TTC23: variants seen among roughly 807,000 people sequenced by gnomAD.
The protein encoded by TTC23 is tetratricopeptide repeat protein 23.
TTC23 carries 58 observed loss-of-function variants against 55.1 expected under a neutral mutation model. The ratio of observed to expected loss-of-function variants is 1.05; its 90% CI spans 0.85 to 1.31. The LOEUF is 1.31. Ranked by LOEUF, TTC23 falls within the 50% of genes most tolerant of loss-of-function variation. The pLI is 0.00. For synonymous variants in TTC23, 203 were observed against 199.9 expected (o/e 1.02, Z -0.13); for missense variants, 516 against 534.4 (o/e 0.97, Z 0.34).
intron 8 of TTC23, among the ~76,000 whole-genome samples, chr15:99,211,375 AAAAC>A (rs1225406864): frequency 6.6e-6 from 1 of 151,856 alleles, no homozygotes; most frequent in Admixed American, 6.5e-5. Context: ...TCAAAGACAA[AAAAC>A]AAACAAACAA....
At chr15:99,210,892 A>G (rs962800766) in intron 8 of TTC23, among the ~76,000 whole-genome samples, 6 of 152,168 alleles carry the variant, frequency 3.9e-5, no homozygotes, top group African/African-American at 1.4e-4. Flanking sequence ...GTAGATACAT[A>G]TTCTGTTCCC....
intron 13 of TTC23, chr15:99,139,032 G>A (rs577128841): frequency 4.3e-6 from 2 of 465,998 alleles, no homozygotes; most frequent in South Asian, 2.0e-5. Flanking sequence ...GGGATTCCCG[G>A]GGCCCTCCCC....
At chr15:99,216,406 C>T (rs184648745) in intron 8 of TTC23, among the ~76,000 whole-genome samples, 66 of 151,894 alleles carry the variant, frequency 4.3e-4, no homozygotes, top group Admixed American at 2.1e-3. Context: ...TTTGAGTGAA[C>T]CAAATTAATA....
At chr15:99,146,632 G>A (rs1461684197) in intron 12 of TTC23, among the ~76,000 whole-genome samples, 1 of 152,210 alleles carries the variant, frequency 6.6e-6, no homozygotes, top group Non-Finnish European at 1.5e-5. Context: ...GACCCTCTGA[G>A]GCACTGTACA....
intron 11 of TTC23, chr15:99,157,187 A>C (rs192571379): frequency 8.1e-6 from 1 of 123,672 alleles, no homozygotes; most frequent in East Asian, 2.2e-4. Flanking sequence ...CTTCCATTTT[A>C]CAACAGCAGG....
upstream of TTC23, among the ~76,000 whole-genome samples, chr15:99,249,983 A>C (rs573527210): frequency 4.6e-5 from 7 of 152,148 alleles, no homozygotes; most frequent in Non-Finnish European, 7.3e-5. Context: ...ATCACTGAAA[A>C]ACAGTATTCC....
intron 8 of TTC23, among the ~76,000 whole-genome samples, chr15:99,211,776 A>G (rs2077058496): frequency 6.6e-6 from 1 of 152,144 alleles, no homozygotes. Flanking sequence ...GGCTCCCAGG[A>G]AGCACAAGAT....
Position 99,209,716 on chromosome 15 carries a change from A to T in TTC23, c.581+8872T>A, listed in dbSNP as rs1379271522. Among the ~76,000 whole-genome samples the T allele has an allele frequency of 3.3e-5, 5 of 152,220 alleles. No individual in the cohort carries two copies. In the Middle Eastern group the frequency reaches 0.01, roughly 311 times the overall value. On this transcript the variant is annotated intron_variant, in intron 8 of 13. Coordinates refer to ENST00000394132, the MANE Select transcript of TTC23 (RefSeq NM_001288615.3). ...AGAAGGTGGTCAATAATTGGTAGCTAGTGTGGTTTTAAAAAAATCATTATT... is the reference window on the plus strand; with the variant it reads ...AGAAGGTGGTCAATAATTGGTAGCTTGTGTGGTTTTAAAAAAATCATTATT...
chr15:99,227,631 G>C (rs898072303), intron 5 of TTC23, among the ~76,000 whole-genome samples: 5 of 152,170 alleles, frequency 3.3e-5, no homozygotes, highest in African/African-American at 1.2e-4. Context: ...GGCCTTGAGT[G>C]CCCTCTGGGC....
chr15:99,216,621 GA>G (rs1596770452), intron 8 of TTC23, among the ~76,000 whole-genome samples: 1 of 152,178 alleles, frequency 6.6e-6, no homozygotes, highest in East Asian at 1.9e-4. Context: ...AGTCGTATAT[GA>G]AAAGTATTCA....
chr15:99,173,115 G>T (rs1286996689), intron 10 of TTC23, among the ~76,000 whole-genome samples: 1 of 152,140 alleles, frequency 6.6e-6, no homozygotes, highest in African/African-American at 2.4e-5. Context: ...GTTTGGTTTG[G>T]TATTCATTCA....
chr15:99,210,614 C>T (rs1168027392), intron 8 of TTC23, among the ~76,000 whole-genome samples: 6 of 152,106 alleles, frequency 3.9e-5, no homozygotes, highest in Non-Finnish European at 8.8e-5. Context: ...TCTGTAAGAG[C>T]CTTTATGTCC....
chr15:99,247,105 A>G (rs1322142619), intron 1 of TTC23, among the ~76,000 whole-genome samples: 1 of 152,230 alleles, frequency 6.6e-6, no homozygotes, highest in East Asian at 1.9e-4. Context: ...TGCAAATGAA[A>G]GCTGTAATAA....
At chr15:99,205,438 T>C (rs2076546628) in intron 8 of TTC23, among the ~76,000 whole-genome samples, 1 of 152,146 alleles carries the variant, frequency 6.6e-6, no homozygotes, top group African/African-American at 2.4e-5. Context: ...CATGAAATCT[T>C]TTTGCATGTC....
At chr15:99,216,648 GA>G (rs1383611507) in intron 8 of TTC23, among the ~76,000 whole-genome samples, 5 of 152,178 alleles carry the variant, frequency 3.3e-5, no homozygotes, top group African/African-American at 1.2e-4. Flanking sequence ...ACTAATAGGA[GA>G]AATGTAAATA....
At position 99,235,083 on chromosome 15, in the gene TTC23, AC is replaced by A. The variant is rs2079202708; in HGVS notation, c.-113-4del. On this transcript the variant is annotated splice_region_variant and splice_polypyrimidine_tract_variant and intron_variant, in intron 3 of 13. Transcript: ENST00000394132. ...GGCAACATGGCAAAACTCTGTCTCTACAAAAAATACAAAAATTAGCCAGGTG... is the reference window on the plus strand; with the variant it reads ...GGCAACATGGCAAAACTCTGTCTCTAAAAAAATACAAAAATTAGCCAGGTG... The A allele has an allele frequency of 6.6e-6, 1 of 152,420 alleles. No homozygotes were observed. Among genetic ancestry groups the A allele is most frequent in the Admixed American group, 6.5e-5 (1 of 15,274 alleles). 9.4% of individuals were successfully genotyped at this position (152,420 alleles called of 1,614,324 possible).
chr15:99,250,011 T>C (rs1485556379), upstream of TTC23, among the ~76,000 whole-genome samples: 1 of 152,184 alleles, frequency 6.6e-6, no homozygotes, highest in Admixed American at 6.5e-5. Flanking sequence ...AAAAAAGAAA[T>C]GAAAACTAAG....
intron 3 of TTC23, among the ~76,000 whole-genome samples, chr15:99,240,058 G>C (rs2079641265): frequency 6.6e-6 from 1 of 152,144 alleles, no homozygotes; most frequent in East Asian, 1.9e-4. Flanking sequence ...AGCAAATGCT[G>C]TTGCTTTGGA....
intron 9 of TTC23, among the ~76,000 whole-genome samples, chr15:99,193,505 G>A (rs928312925): frequency 2.6e-5 from 4 of 152,160 alleles, no homozygotes; most frequent in Non-Finnish European, 5.9e-5. Context: ...CATATGACAT[G>A]ACTTGCTCCT....
Sources: allele counts gnomAD v4.1 joint callset (sites outside exome capture counted in the v4.1 genomes callset), GRCh38; gene constraint gnomAD v4.1.1; transcripts MANE v1.5; gene names NCBI Gene and HGNC (gene_info 2026-07-23, HGNC 2026-07-21).